Variants in BMERB1 observed in about 807,000 individuals in gnomAD.
BMERB1 encodes bMERB domain containing 1.
Under a neutral mutation model 23.6 loss-of-function variants are expected in BMERB1, and 12 were observed. The ratio of observed to expected loss-of-function variants is 0.51; its 90% CI spans 0.33 to 0.82. The LOEUF (loss-of-function observed/expected upper bound fraction) is 0.82, where lower values mean the gene tolerates loss of function less well. BMERB1 is among the 40% of genes least tolerant of loss of function. BMERB1 has a pLI of 0.03. For synonymous variants in BMERB1, 122 were observed against 96.6 expected (o/e 1.26, Z -1.54); for missense variants, 247 against 255.4 (o/e 0.97, Z 0.22).
chr16:15,545,862 A>G (rs1229220889), intron 2 of BMERB1, among the ~76,000 whole-genome samples: 1 of 152,088 alleles, frequency 6.6e-6, no homozygotes, highest in South Asian at 2.1e-4. Context: ...AAAAATTCCA[A>G]CTTTTTTCCA....
intron 2 of BMERB1, among the ~76,000 whole-genome samples, chr16:15,551,187 A>G (rs753387745): frequency 2.0e-5 from 3 of 152,226 alleles, no homozygotes; most frequent in Non-Finnish European, 2.9e-5. Flanking sequence ...CGTGGTGTCT[A>G]TCATGAGACT....
At chr16:15,504,393 A>C (rs1229466842) in intron 1 of BMERB1, among the ~76,000 whole-genome samples, 1 of 152,220 alleles carries the variant, frequency 6.6e-6, no homozygotes, top group Non-Finnish European at 1.5e-5. Context: ...AATAGTGGAA[A>C]TTTAATGAGG....
chr16:15,508,057 G>A (rs1329115361), intron 1 of BMERB1, among the ~76,000 whole-genome samples: 1 of 152,094 alleles, frequency 6.6e-6, no homozygotes, highest in Non-Finnish European at 1.5e-5. Flanking sequence ...CAAGAGCTTT[G>A]GAGTAAGAGA....
At chr16:15,582,002 C>T (rs566240533) in intron 4 of BMERB1, among the ~76,000 whole-genome samples, 1 of 152,340 alleles carries the variant, frequency 6.6e-6, no homozygotes, top group African/African-American at 2.4e-5. Context: ...TCTCAGAGAC[C>T]TTTCTTCAAG....
intron 2 of BMERB1, among the ~76,000 whole-genome samples, chr16:15,517,991 G>A (rs1428667279): frequency 6.9e-6 from 1 of 145,496 alleles, no homozygotes; most frequent in Admixed American, 6.7e-5. Context: ...GGATGTGTGT[G>A]CATGTGTGGA....
intron 1 of BMERB1, among the ~76,000 whole-genome samples, chr16:15,504,174 C>T (rs530352896): frequency 1.3e-5 from 2 of 152,294 alleles, no homozygotes; most frequent in East Asian, 3.9e-4. Context: ...CCCAAAAGCC[C>T]ATGCCCAGAA....
intron 1 of BMERB1, 81 bp downstream of exon 1, chr16:15,434,840 G>A: frequency 2.3e-6 from 3 of 1,287,684 alleles, no homozygotes; most frequent in Non-Finnish European, 3.2e-6. Flanking sequence ...GGAGCGCGAG[G>A]AACGCCAGCA....
intron 2 of BMERB1, among the ~76,000 whole-genome samples, chr16:15,554,636 A>G (rs1417975816): frequency 1.3e-5 from 2 of 149,838 alleles, no homozygotes; most frequent in Non-Finnish European, 2.9e-5. Flanking sequence ...CTGCCTCTAA[A>G]AAAGAAAAAA....
chr16:15,583,937 C>G (rs1431985652), intron 5 of BMERB1: 8 of 688,362 alleles, frequency 1.2e-5, no homozygotes, highest in Non-Finnish European at 2.1e-5. Flanking sequence ...TCCCTAATTG[C>G]AAAGTTTGGT....
intron 3 of BMERB1, among the ~76,000 whole-genome samples, chr16:15,574,575 A>G (rs766588956): frequency 4.6e-5 from 7 of 151,924 alleles, no homozygotes; most frequent in Non-Finnish European, 7.4e-5. Context: ...TAATTTTGCA[A>G]TGGCGATTTC....
rs527493638 is a variant in BMERB1, at chr16:15,496,497, A to G, written c.107-18808A>G. On this transcript the variant is annotated intron_variant, in intron 1 of 5. Coordinates refer to ENST00000300006, the MANE Select transcript of BMERB1 (RefSeq NM_033201.3). Reference sequence around the variant, plus strand: ...CACACAACTAGCTATTATGAAATGAACAAATATTACAAGCTAAGGATTAAT... The same window carrying G: ...CACACAACTAGCTATTATGAAATGAGCAAATATTACAAGCTAAGGATTAAT... Among the ~76,000 whole-genome samples, 4 of 152,294 alleles carry G rather than the reference A, an allele frequency of 2.6e-5. No individual in the cohort carries two copies. In the East Asian group the frequency reaches 7.7e-4, roughly 29 times the overall value.
At chr16:15,441,087 G>A (rs2050935577) in intron 1 of BMERB1, among the ~76,000 whole-genome samples, 1 of 152,152 alleles carries the variant, frequency 6.6e-6, no homozygotes, top group South Asian at 2.1e-4. Flanking sequence ...ATGAATCAGA[G>A]GGAAGCCAGA....
At chr16:15,516,410 A>T (rs1409577470) in intron 2 of BMERB1, among the ~76,000 whole-genome samples, 1 of 152,218 alleles carries the variant, frequency 6.6e-6, no homozygotes, top group Admixed American at 6.5e-5. Flanking sequence ...ACACAGTGAG[A>T]GCCTGTCGCT....
At chr16:15,532,389 T>G (rs9931589) in intron 2 of BMERB1, among the ~76,000 whole-genome samples, 62,305 of 151,176 alleles carry the variant, frequency 0.41, 14,751 homozygotes, top group African/African-American at 0.63. Flanking sequence ...CCGCCACTGC[T>G]CCCAGCTAAT....
intron 1 of BMERB1, among the ~76,000 whole-genome samples, chr16:15,511,733 C>T (rs1434998311): frequency 6.6e-6 from 1 of 152,032 alleles, no homozygotes; most frequent in African/African-American, 2.4e-5. Flanking sequence ...GTTGTCAGGC[C>T]AGGCACGGTG....
chr16:15,453,688 G>A (rs1425756941), intron 1 of BMERB1, among the ~76,000 whole-genome samples: 35 of 151,852 alleles, frequency 2.3e-4, no homozygotes, highest in Admixed American at 2.2e-3. Context: ...CCTGGCCAAC[G>A]TGGTGAAACC....
intron 1 of BMERB1, among the ~76,000 whole-genome samples, chr16:15,437,730 G>A (rs759597630): frequency 4.6e-5 from 7 of 152,168 alleles, no homozygotes; most frequent in East Asian, 1.9e-4. Context: ...AGGCCGAGGC[G>A]GGCGGATCAC....
intron 3 of BMERB1, among the ~76,000 whole-genome samples, chr16:15,576,283 G>C (rs367674183): frequency 1.2e-4 from 19 of 152,040 alleles, no homozygotes; most frequent in Admixed American, 4.6e-4. Flanking sequence ...TCCTGATCTC[G>C]TGATCTGCCC....
intron 3 of BMERB1, among the ~76,000 whole-genome samples, chr16:15,574,273 C>A (rs2030804614): frequency 6.6e-6 from 1 of 152,108 alleles, no homozygotes; most frequent in Non-Finnish European, 1.5e-5. Flanking sequence ...CTGCGTGATT[C>A]AGTCACCTCC....
Sources: allele counts gnomAD v4.1 joint callset (sites outside exome capture counted in the v4.1 genomes callset), GRCh38; gene constraint gnomAD v4.1.1; transcripts MANE v1.5; gene names NCBI Gene and HGNC (gene_info 2026-07-23, HGNC 2026-07-21).